STX11: variants seen among roughly 807,000 people sequenced by gnomAD.
The protein encoded by STX11 is syntaxin 11, also known as syntaxin-11.
STX11 carries 21 observed loss-of-function variants against 19.9 expected under a neutral mutation model. The ratio of observed to expected loss-of-function variants is 1.06; its 90% CI spans 0.75 to 1.52. The LOEUF (loss-of-function observed/expected upper bound fraction) is 1.52. Among genes scored for constraint, STX11 ranks in the 40% most tolerant of loss-of-function variants. STX11 has a pLI of 0.00. For synonymous variants in STX11, 193 were observed against 174.4 expected (o/e 1.11, Z -0.84); for missense variants, 438 against 405.9 (o/e 1.08, Z -0.68).
upstream of STX11, among the ~76,000 whole-genome samples, chr6:144,149,081 T>C (rs117276479): frequency 6.2e-3 from 951 of 152,354 alleles, 48 homozygotes; most frequent in East Asian, 0.12. This position sits in a 1 kb window ranked among gnomAD's most constrained non-coding sequence, Gnocchi z 5.1. Context: ...ATGCCATCAA[T>C]GAGTCACGAT....
rs115419947 is a variant in STX11, at chr6:144,189,336, C to T, written c.*1845C>T. Among the ~76,000 whole-genome samples, 912 of 152,274 alleles carry T rather than the reference C, an allele frequency of 6.0e-3. 8 individuals carry two copies. The highest frequency in any genetic ancestry group is 0.021 in the African/African-American group (875 of 41,540). ...TGACCCTGGCCAAATTTTTTTTCTACTAGCTACTGAGGCTGCCACATCTGG... is the reference window on the plus strand; with the variant it reads ...TGACCCTGGCCAAATTTTTTTTCTATTAGCTACTGAGGCTGCCACATCTGG... On this transcript the variant is annotated 3_prime_UTR_variant, in exon 2 of 2. Coordinates refer to ENST00000367568, the MANE Select transcript of STX11 (RefSeq NM_003764.4).
At chr6:144,141,338 T>C in the STX11 span, among the ~76,000 whole-genome samples, 1 of 152,250 alleles carries the variant, frequency 6.6e-6, no homozygotes, top group African/African-American at 2.4e-5. Flanking sequence ...GAAAAGTTTT[T>C]ACTTAATTGA....
rs1802098773 is a variant in STX11, at chr6:144,187,683, C to T, written c.*192C>T. On this transcript the variant is annotated 3_prime_UTR_variant, in exon 2 of 2. Coordinates refer to ENST00000367568, the MANE Select transcript of STX11 (RefSeq NM_003764.4). The surrounding 1 kb of genome is among the most constrained non-coding windows in gnomAD (Gnocchi z 5.6). ...GGAAAGATGGTTAGTTGATACCGTCCGATGATTCTTCAGTAAAGATAGATT... is the reference window on the plus strand; with the variant it reads ...GGAAAGATGGTTAGTTGATACCGTCTGATGATTCTTCAGTAAAGATAGATT... 2 of 710,408 alleles carry T rather than the reference C, an allele frequency of 2.8e-6. No individual in the cohort carries two copies. The highest frequency in any genetic ancestry group is 5.7e-5 in the Admixed American group (2 of 35,184). The allele number at this position is 710,408 out of a possible 1,614,324, so 44.0% of individuals were successfully genotyped here.
Position 144,162,311 on chromosome 6 carries a change from C to G in STX11, c.-6+11608C>G, listed in dbSNP as rs1801362516. On this transcript the variant is annotated intron_variant, in intron 1 of 1. Coordinates refer to ENST00000367568, the MANE Select transcript of STX11 (RefSeq NM_003764.4). This position sits in a 1 kb window ranked among gnomAD's most constrained non-coding sequence, Gnocchi z 4.6. ...TTGCTTCTTGGACTTCTCCATTGTTCACTGAGGATTTAACTTTCTTAAATC... is the reference window on the plus strand; with the variant it reads ...TTGCTTCTTGGACTTCTCCATTGTTGACTGAGGATTTAACTTTCTTAAATC... Among the ~76,000 whole-genome samples the G allele has an allele frequency of 6.6e-6, 1 of 152,226 alleles. No homozygotes were observed. Among genetic ancestry groups the G allele is most frequent in the African/African-American group, 2.4e-5 (1 of 41,456 alleles).
rs540217843 is a variant in STX11 at position 144,162,514 on chromosome 6, C to T, written c.-6+11811C>T. Reference sequence around the variant, plus strand: ...GCTATTTTATCCAGAATGTGGAAGGCGTCTTCAAAAATGCAAATATGCTTT... The same window carrying T: ...GCTATTTTATCCAGAATGTGGAAGGTGTCTTCAAAAATGCAAATATGCTTT... On this transcript the variant is annotated intron_variant, in intron 1 of 1. Coordinates refer to ENST00000367568, the MANE Select transcript of STX11 (RefSeq NM_003764.4). The surrounding 1 kb of genome is among the most constrained non-coding windows in gnomAD (Gnocchi z 4.6). Among the ~76,000 whole-genome samples, 32 of 152,202 alleles carry T rather than the reference C, an allele frequency of 2.1e-4. No homozygotes were observed. The highest frequency in any genetic ancestry group is 4.0e-4 in the Non-Finnish European group (27 of 68,012).
At chr6:144,142,732 G>C in the STX11 span, among the ~76,000 whole-genome samples, 3 of 152,180 alleles carry the variant, frequency 2.0e-5, no homozygotes, top group South Asian at 6.2e-4. Context: ...CCAGATGCTG[G>C]GAAGGTTGTG....
chr6:144,147,345 G>A (rs142230341), upstream of STX11, among the ~76,000 whole-genome samples: 405 of 152,140 alleles, frequency 2.7e-3, 5 homozygotes, highest in African/African-American at 9.2e-3. The surrounding 1 kb of genome is among the most constrained non-coding windows in gnomAD (Gnocchi z 4.2). Context: ...TCAGTTTTCC[G>A]TCCTAATTTT....
Position 144,154,240 on chromosome 6 carries a change from G to A in STX11, c.-6+3537G>A, listed in dbSNP as rs1011047706. Among the ~76,000 whole-genome samples, 4 of 152,172 alleles carry A rather than the reference G, an allele frequency of 2.6e-5. No individual in the cohort carries two copies. Among genetic ancestry groups the A allele is most frequent in the African/African-American group, 9.7e-5 (4 of 41,438 alleles). On this transcript the variant is annotated intron_variant, in intron 1 of 1. Coordinates refer to ENST00000367568, the MANE Select transcript of STX11 (RefSeq NM_003764.4). This position sits in a 1 kb window ranked among gnomAD's most constrained non-coding sequence, Gnocchi z 4.7. ...GGTTTTGGACTTTGTGGTAAGCTCA[G>A]GTTGAAGTCACTCTCCTGCCCCTAA...
rs952170974 is a variant in STX11 at position 144,191,689 on chromosome 6, A to G, written c.*4198A>G. On this transcript the variant is annotated 3_prime_UTR_variant, in exon 2 of 2. Coordinates refer to ENST00000367568, the MANE Select transcript of STX11 (RefSeq NM_003764.4). Reference sequence around the variant, plus strand: ...CTCATTCATTTGTAATCAAGACGATAGTTTGAAACACCCAATTGTAATCAG... The same window carrying G: ...CTCATTCATTTGTAATCAAGACGATGGTTTGAAACACCCAATTGTAATCAG... Among the ~76,000 whole-genome samples the G allele has an allele frequency of 2.0e-5, 3 of 152,240 alleles. No individual in the cohort carries two copies. The highest frequency in any genetic ancestry group is 2.0e-4 in the Admixed American group (3 of 15,292).
In STX11 at chr6:144,172,184, T is replaced by A. The variant is rs1192726590; in HGVS notation, c.-5-14439T>A. Among the ~76,000 whole-genome samples the A allele has an allele frequency of 6.6e-6, 1 of 152,022 alleles. No individual in the cohort carries two copies. Among genetic ancestry groups the A allele is most frequent in the Non-Finnish European group, 1.5e-5 (1 of 68,024 alleles). ...TAACAAGCCACCCCCAAATAACAATTTTCTATTTCTCATGGGTGCAAGGAT... is the reference window on the plus strand; with the variant it reads ...TAACAAGCCACCCCCAAATAACAATATTCTATTTCTCATGGGTGCAAGGAT... On this transcript the variant is annotated intron_variant, in intron 1 of 1. Transcript: ENST00000367568. The surrounding 1 kb of genome is among the most constrained non-coding windows in gnomAD (Gnocchi z 4.2).
At position 144,184,283 on chromosome 6, in the gene STX11, C is replaced by T. The variant is rs754991699; in HGVS notation, c.-5-2340C>T. ...TTTGAGGAATTGCCACACTGTCTTC[C>T]ACAATGGTTGAACTAATTCACATTC... On this transcript the variant is annotated intron_variant, in intron 1 of 1. Transcript: ENST00000367568. The surrounding 1 kb of genome is among the most constrained non-coding windows in gnomAD (Gnocchi z 6.5). Among the ~76,000 whole-genome samples, 3 of 152,162 alleles carry T rather than the reference C, an allele frequency of 2.0e-5. No individual in the cohort carries two copies. The highest frequency in any genetic ancestry group is 4.4e-5 in the Non-Finnish European group (3 of 68,038).
the STX11 span, among the ~76,000 whole-genome samples, chr6:144,140,254 ATTTATT>A: frequency 8.7e-4 from 34 of 38,868 alleles, no homozygotes; most frequent in East Asian, 6.1e-3. Context: ...ATATATATAT[ATTTATT>A]TATTTATTTT....
At chr6:144,149,243 T>G (rs1162194473), upstream of STX11, among the ~76,000 whole-genome samples, 1 of 152,248 alleles carries the variant, frequency 6.6e-6, no homozygotes, top group African/African-American at 2.4e-5. This position sits in a 1 kb window ranked among gnomAD's most constrained non-coding sequence, Gnocchi z 5.1. Context: ...TTATTTGGAA[T>G]TATTCTGTAT....
chr6:144,150,076 C>G (rs1425205871), upstream of STX11, among the ~76,000 whole-genome samples: 2 of 152,188 alleles, frequency 1.3e-5, no homozygotes, highest in Non-Finnish European at 2.9e-5. Flanking sequence ...GCTCCTCGCC[C>G]GCGTCCTCGA....
In STX11 at chr6:144,188,712, A is replaced by AAT. The variant is rs1802133493; in HGVS notation, c.*1221_*1222insAT. ...GTTTACTTTCTCAATTATTGTTAAA[A>AAT]TTTTTCTTTTTCCTTTTTTTTTTTT... On this transcript the variant is annotated 3_prime_UTR_variant, in exon 2 of 2. Transcript: ENST00000367568. 7.3e-6 allele frequency among the ~76,000 whole-genome samples: 1 copy of AAT among 137,298 alleles called. No homozygotes were observed. The highest frequency in any genetic ancestry group is 1.6e-5 in the Non-Finnish European group (1 of 64,356). 90.1% of individuals were successfully genotyped at this position (137,298 alleles called of 152,430 possible).
rs1240552009 is a variant in STX11, at chr6:144,166,842, CCCCTT to C, written c.-6+16149_-6+16153del. Among the ~76,000 whole-genome samples the C allele has an allele frequency of 4.5e-4, 67 of 149,624 alleles. No homozygotes were observed. The South Asian group carries it at 0.014, about 32-fold the overall frequency. On this transcript the variant is annotated intron_variant, in intron 1 of 1. Transcript: ENST00000367568. ...TGCCTGGCCCCACCTTCCCCCTTTC[CCCCTT>C]CCCTTCCCTCCCCTCCCCTCCCCTC...
intron 1 of STX11, among the ~76,000 whole-genome samples, chr6:144,163,186 AAGTC>A (rs1221429219): frequency 3.9e-5 from 6 of 152,368 alleles, no homozygotes; most frequent in African/African-American, 1.4e-4. Flanking sequence ...GAAGTTGCGT[AAGTC>A]AGTTTTGGTT....
chr6:144,186,930 C>G lies in STX11; in HGVS notation c.303C>G (p.His101Gln). Residue 101 changes from histidine to glutamine, a missense_variant, in exon 2 of 2, where the codon CAC becomes CAG. Physicochemically the swap from His to Gln is conservative, Grantham distance 24. Coordinates refer to ENST00000367568, the MANE Select transcript of STX11 (RefSeq NM_003764.4). ...KAIKARGEVI[H>Q]CKLRAMKELS... is the part of the protein sequence containing the mutation. ...TCAAGGCCCGGGGCGAGGTCATCCA[C>G]TGCAAGCTGCGCGCCATGAAGGAGC... 6.2e-7 allele frequency: 1 copy of G among 1,610,212 alleles called. No homozygotes were observed. Among genetic ancestry groups the G allele is most frequent in the Non-Finnish European group, 8.5e-7 (1 of 1,179,964 alleles).
At chr6:144,166,906 C>A (rs1386810604) in intron 1 of STX11, among the ~76,000 whole-genome samples, 1 of 141,274 alleles carries the variant, frequency 7.1e-6, no homozygotes. Context: ...CTACCTCTCT[C>A]TTTCTTTCTT....
Sources: allele counts gnomAD v4.1 joint callset (sites outside exome capture counted in the v4.1 genomes callset), GRCh38; gene constraint gnomAD v4.1.1; non-coding constraint Gnocchi (gnomAD v3.1); transcripts MANE v1.5; gene names NCBI Gene and HGNC (gene_info 2026-07-23, HGNC 2026-07-21).